KLHL2: variants seen among roughly 807,000 people sequenced by gnomAD.
KLHL2 encodes the protein kelch-like protein 2.
In KLHL2, 15 loss-of-function variants were observed where a neutral mutation model predicts 75.8. The ratio of observed to expected loss-of-function variants is 0.20; its 90% CI spans 0.13 to 0.30. KLHL2 has a LOEUF of 0.30. Among genes scored for constraint, KLHL2 ranks in the 10% least tolerant of loss-of-function variants. The pLI is 1.00. For synonymous variants in KLHL2, 214 were observed against 251.9 expected (o/e 0.85, Z 1.42); for missense variants, 381 against 741.0 (o/e 0.51, Z 5.64).
chr4:165,224,050 G>C, intron 2 of KLHL2: 3 of 314,396 alleles, frequency 9.5e-6, no homozygotes, highest in South Asian at 7.0e-5. Flanking sequence ...GAGTAGCTGG[G>C]ATTACAGGTG....
chr4:165,270,217 C>T (rs1325298586), intron 5 of KLHL2, among the ~76,000 whole-genome samples: 1 of 152,118 alleles, frequency 6.6e-6, no homozygotes, highest in Non-Finnish European at 1.5e-5. Flanking sequence ...GTTAGCCATT[C>T]GTCTAACCTT....
intron 11 of KLHL2, among the ~76,000 whole-genome samples, chr4:165,311,837 G>GTA (rs1477906610): frequency 3.4e-5 from 5 of 145,746 alleles, no homozygotes; most frequent in Admixed American, 3.4e-4. Flanking sequence ...GTGTGTGTGT[G>GTA]TGTGTGTGTT....
At position 165,305,774 on chromosome 4, in the gene KLHL2, G is replaced by C. The variant is rs762486042; in HGVS notation, c.1039+49G>C. 1.0e-5 allele frequency: 13 copies of C among 1,265,720 alleles called. No individual in the cohort carries two copies. The African/African-American group carries it at 1.8e-4, about 17-fold the overall frequency. The allele number at this position is 1,265,720 out of a possible 1,614,324, so 78.4% of individuals were successfully genotyped here. A position where few individuals can be genotyped will look rare whatever the true frequency, so the allele number is the denominator to read the frequency against. ...ATTCTCTACTCCTGGGTCATTGGGAGCTTCTTTTTCAGGTCTTATTTTATT... is the reference window on the plus strand; with the variant it reads ...ATTCTCTACTCCTGGGTCATTGGGACCTTCTTTTTCAGGTCTTATTTTATT... On this transcript the variant is annotated intron_variant, in intron 9 of 14. Transcript: ENST00000226725.
At chr4:165,278,054 G>A in intron 5 of KLHL2, 2 of 1,534,852 alleles carry the variant, frequency 1.3e-6, no homozygotes, top group East Asian at 4.5e-5. Context: ...AAAGCCCAAG[G>A]GCAGACTACA....
intron 4 of KLHL2, among the ~76,000 whole-genome samples, chr4:165,260,205 G>A (rs1484668868): frequency 1.3e-5 from 2 of 152,110 alleles, no homozygotes; most frequent in Non-Finnish European, 2.9e-5. Context: ...TTTAGTCCTA[G>A]TAAAACTACA....
At chr4:165,216,353 C>T (rs1464410900) in intron 1 of KLHL2, among the ~76,000 whole-genome samples, 1 of 152,114 alleles carries the variant, frequency 6.6e-6, no homozygotes, top group African/African-American at 2.4e-5. Flanking sequence ...TGGGAAACCT[C>T]AACTATTTTA....
chr4:165,275,053 C>A (rs1742973841), intron 5 of KLHL2, among the ~76,000 whole-genome samples: 1 of 152,180 alleles, frequency 6.6e-6, no homozygotes, highest in Non-Finnish European at 1.5e-5. Flanking sequence ...TGTGCTGAGG[C>A]ATGGTGTTCT....
At chr4:165,288,139 T>TA (rs1744224996) in intron 5 of KLHL2, among the ~76,000 whole-genome samples, 1 of 152,184 alleles carries the variant, frequency 6.6e-6, no homozygotes, top group Non-Finnish European at 1.5e-5. Context: ...TTTTGAGTCT[T>TA]ACATTTAGAT....
At chr4:165,214,893 GTTTT>G (rs72078166) in intron 1 of KLHL2, among the ~76,000 whole-genome samples, 1 of 148,178 alleles carries the variant, frequency 6.7e-6, no homozygotes, top group South Asian at 2.1e-4. Context: ...AAGATCAGAA[GTTTT>G]TTTTTTTTCT....
chr4:165,307,135 C>G (rs1745795520), intron 9 of KLHL2, among the ~76,000 whole-genome samples: 1 of 152,124 alleles, frequency 6.6e-6, no homozygotes, highest in Non-Finnish European at 1.5e-5. Context: ...TGATGAAACC[C>G]CTTCTCTACT....
chr4:165,216,939 A>G (rs1737586700), intron 1 of KLHL2, among the ~76,000 whole-genome samples: 1 of 152,194 alleles, frequency 6.6e-6, no homozygotes, highest in South Asian at 2.1e-4. Context: ...AATAGGTTTA[A>G]GAGAGCACCA....
intron 1 of KLHL2, among the ~76,000 whole-genome samples, chr4:165,218,991 T>C (rs1189079284): frequency 6.6e-6 from 1 of 152,244 alleles, no homozygotes; most frequent in Non-Finnish European, 1.5e-5. Flanking sequence ...TGATTTTTAT[T>C]AAATTTATAA....
chr4:165,241,933 T>A (rs1402189009), intron 4 of KLHL2, among the ~76,000 whole-genome samples: 6 of 152,248 alleles, frequency 3.9e-5, no homozygotes, highest in African/African-American at 1.4e-4. Flanking sequence ...TTCTGATTTA[T>A]ACAAGCAATA....
At chr4:165,233,034 A>G (rs1432478982) in intron 3 of KLHL2, among the ~76,000 whole-genome samples, 1 of 151,936 alleles carries the variant, frequency 6.6e-6, no homozygotes, top group African/African-American at 2.4e-5. Context: ...TCCTGTGACT[A>G]ACCTATTAGG....
At chr4:165,299,855 C>T (rs72997704) in intron 8 of KLHL2, among the ~76,000 whole-genome samples, 199 bp downstream of exon 8, 9,584 of 152,128 alleles carry the variant, frequency 0.063, 588 homozygotes, top group African/African-American at 0.16. Context: ...TTCTTTGGTC[C>T]GTTTAATTTT....
chr4:165,304,764 G>C (rs924479096), intron 8 of KLHL2, among the ~76,000 whole-genome samples: 1 of 152,038 alleles, frequency 6.6e-6, no homozygotes, highest in African/African-American at 2.4e-5. Flanking sequence ...ATAATTTTTC[G>C]ATCATATGTA....
At chr4:165,221,879 A>T (rs1489764776) in intron 2 of KLHL2, among the ~76,000 whole-genome samples, 35 of 152,328 alleles carry the variant, frequency 2.3e-4, no homozygotes, top group African/African-American at 8.2e-4. Flanking sequence ...TAGTTATTAG[A>T]ATGTAAAATG....
intron 5 of KLHL2, among the ~76,000 whole-genome samples, chr4:165,282,164 T>G (rs1343467128): frequency 6.6e-6 from 1 of 152,190 alleles, no homozygotes; most frequent in Non-Finnish European, 1.5e-5. Context: ...TGAGTATAAG[T>G]AGAGGAAACA....
intron 4 of KLHL2, among the ~76,000 whole-genome samples, chr4:165,242,545 T>A (rs56677525): frequency 0.086 from 13,081 of 152,210 alleles, 632 homozygotes; most frequent in Middle Eastern, 0.13. Context: ...TTGCCCAGGC[T>A]GTGGTCAGTG....
Sources: gnomAD v4.1 joint callset for allele counts (sites outside exome capture counted in the v4.1 genomes callset) on GRCh38, gnomAD v4.1.1 for gene constraint, MANE v1.5 for transcripts, NCBI Gene and HGNC (gene_info 2026-07-23, HGNC 2026-07-21) for gene names.